The following SMARCA2 variants were observed in gnomAD, a reference collection of about 807,000 sequenced individuals.
SMARCA2 encodes the protein SWI/SNF related BAF chromatin remodeling complex subunit ATPase 2, also known as SWI/SNF-related matrix-associated actin-dependent regulator of chromatin subfamily A member 2.
In SMARCA2, 61 loss-of-function variants were observed where a neutral mutation model predicts 199.8. The ratio of observed to expected loss-of-function variants is 0.31; its 90% CI spans 0.25 to 0.38. SMARCA2 has a LOEUF of 0.38. Ranked by LOEUF, SMARCA2 falls within the 10% of genes least tolerant of loss-of-function variation. The pLI is 1.00. For synonymous variants in SMARCA2, 935 were observed against 732.0 expected, an observed-to-expected ratio of 1.28 and a Z score of -4.48; for missense variants, 1,344 against 2,012.2, an observed-to-expected ratio of 0.67 and a Z score of 6.35.
intron 27 of SMARCA2, among the ~76,000 whole-genome samples, chr9:2,129,360 T>G (rs6475519): frequency 0.29 from 44,134 of 151,944 alleles, 11,675 homozygotes; most frequent in African/African-American, 0.7. Flanking sequence ...AGAGGTTACA[T>G]TGAGCCGAGA....
intron 1 of SMARCA2, among the ~76,000 whole-genome samples, chr9:2,021,068 AACC>A (rs1189919758): frequency 6.6e-6 from 1 of 152,230 alleles, no homozygotes; most frequent in East Asian, 1.9e-4. Flanking sequence ...CAGTTTTTAA[AACC>A]ACAATATTCT....
chr9:2,188,766 C>G (rs1183738555), intron 32 of SMARCA2, among the ~76,000 whole-genome samples: 3 of 152,218 alleles, frequency 2.0e-5, no homozygotes, highest in African/African-American at 7.2e-5. Flanking sequence ...GTGTCAGCAG[C>G]CTGCATTCCT....
At chr9:2,063,165 G>A (rs1330952192) in intron 9 of SMARCA2, among the ~76,000 whole-genome samples, 1 of 152,140 alleles carries the variant, frequency 6.6e-6, no homozygotes, top group African/African-American at 2.4e-5. Flanking sequence ...GTATCTTACT[G>A]GGAGAAGTGG....
intron 27 of SMARCA2, among the ~76,000 whole-genome samples, chr9:2,145,854 G>T (rs1233578518): frequency 1.3e-5 from 2 of 152,186 alleles, no homozygotes; most frequent in Admixed American, 6.5e-5. Flanking sequence ...AGATGATCTG[G>T]CACACCTGGA....
At chr9:2,137,437 A>T (rs558543278) in intron 27 of SMARCA2, among the ~76,000 whole-genome samples, 1 of 151,974 alleles carries the variant, frequency 6.6e-6, no homozygotes, top group South Asian at 2.1e-4. Flanking sequence ...CCTTGCCTTC[A>T]TCTCTGGGTG....
chr9:2,132,374 G>C (rs1269995810), intron 27 of SMARCA2, among the ~76,000 whole-genome samples: 2 of 152,130 alleles, frequency 1.3e-5, no homozygotes, highest in African/African-American at 2.4e-5. Flanking sequence ...ACTCAGCTCT[G>C]TTTCTCCTGA....
chr9:2,015,870 G>C (rs1362333593), intron 1 of SMARCA2: 1 of 152,326 alleles, frequency 6.6e-6, no homozygotes, highest in African/African-American at 2.4e-5. Context: ...GGCGGGGAGG[G>C]GGGTGGCCGC....
intron 5 of SMARCA2, among the ~76,000 whole-genome samples, chr9:2,054,268 T>C (rs188629828): frequency 3.7e-3 from 571 of 152,376 alleles, no homozygotes; most frequent in Middle Eastern, 0.01. Context: ...GTCAATTGGT[T>C]CTGTCTCTTA....
Position 2,039,945 on chromosome 9 carries a change from G to C in SMARCA2, c.790+45G>C. Reference sequence around the variant, plus strand: ...AATGAATAATGCCATGGTCCAACTCGGATAACAAAGACTGCTCACCAAAAC... The same window carrying C: ...AATGAATAATGCCATGGTCCAACTCCGATAACAAAGACTGCTCACCAAAAC... On this transcript the variant is annotated intron_variant, in intron 4 of 33. Coordinates refer to ENST00000349721, the MANE Select transcript of SMARCA2 (RefSeq NM_003070.5). This position sits in a 1 kb window ranked among gnomAD's most constrained non-coding sequence, Gnocchi z 4.8. 1 of 1,600,292 alleles carries C rather than the reference G, an allele frequency of 6.2e-7. No individual in the cohort carries two copies. The highest frequency in any genetic ancestry group is 8.5e-7 in the Non-Finnish European group (1 of 1,173,592).
At chr9:2,160,041 T>A in intron 27 of SMARCA2, 1 of 1,168,178 alleles carries the variant, frequency 8.6e-7, no homozygotes, top group Non-Finnish European at 1.2e-6. Context: ...AGGAGAGCAA[T>A]ACCATTAACT....
intron 29 of SMARCA2, among the ~76,000 whole-genome samples, chr9:2,173,577 G>C (rs1353664777): frequency 6.6e-6 from 1 of 152,172 alleles, no homozygotes; most frequent in Non-Finnish European, 1.5e-5. Flanking sequence ...TTTGGACCCA[G>C]AATCAAGCTG....
At chr9:2,191,706 G>A (rs576469383) in intron 33 of SMARCA2, 23 of 242,110 alleles carry the variant, frequency 9.5e-5, no homozygotes, top group Non-Finnish European at 1.6e-4. Context: ...GGTTTTCCCC[G>A]TAGCCAGTTA....
intron 5 of SMARCA2, among the ~76,000 whole-genome samples, chr9:2,051,035 A>G (rs1239144776): frequency 6.6e-6 from 1 of 152,232 alleles, no homozygotes; most frequent in African/African-American, 2.4e-5. Context: ...GGAAGTTTAG[A>G]ATCCTGAATC....
Position 2,066,118 on chromosome 9 carries a change from G to A in SMARCA2, c.1693-4300G>A, listed in dbSNP as rs185845594. On this transcript the variant is annotated intron_variant, in intron 9 of 33. Coordinates refer to ENST00000349721, the MANE Select transcript of SMARCA2 (RefSeq NM_003070.5). ...AACTCAAGTGGTTTTTGAAAGCTTA[G>A]GTTTCCAGCAAAACAGAATGGATAC... Among the ~76,000 whole-genome samples the A allele has an allele frequency of 1.7e-3, 254 of 152,254 alleles. 5 individuals are homozygous for A. Among genetic ancestry groups the A allele is most frequent in the East Asian group, 3.1e-3 (16 of 5,192 alleles).
intron 2 of SMARCA2, among the ~76,000 whole-genome samples, chr9:2,029,648 C>T (rs1381218247): frequency 6.6e-6 from 1 of 152,132 alleles, no homozygotes; most frequent in South Asian, 2.1e-4. Context: ...CATTTATTAA[C>T]AAAAATTAGA....
At chr9:2,054,289 C>T (rs892646398) in intron 5 of SMARCA2, among the ~76,000 whole-genome samples, 1 of 152,220 alleles carries the variant, frequency 6.6e-6, no homozygotes, top group Non-Finnish European at 1.5e-5. Flanking sequence ...TATTCTCTCT[C>T]TGCTAAGAGT....
chr9:2,142,622 C>T (rs1018124145), intron 27 of SMARCA2, among the ~76,000 whole-genome samples: 1 of 152,160 alleles, frequency 6.6e-6, no homozygotes, highest in African/African-American at 2.4e-5. Flanking sequence ...AGTTGAACGT[C>T]TTCAAGCCGT....
intron 28 of SMARCA2, among the ~76,000 whole-genome samples, chr9:2,167,291 C>T (rs1387362385): frequency 6.6e-6 from 1 of 152,212 alleles, no homozygotes; most frequent in Non-Finnish European, 1.5e-5. Context: ...TTATGCCTTG[C>T]TTTTCAAATC....
At chr9:2,101,740 G>C (rs1563769167) in intron 22 of SMARCA2, 124 bp downstream of exon 22, 1 of 502,622 alleles carries the variant, frequency 2.0e-6, no homozygotes, top group Admixed American at 3.9e-5. Flanking sequence ...CTCTTCAGTG[G>C]AGAAGTTAAC....
Sources: gnomAD v4.1 joint callset for allele counts (sites outside exome capture counted in the v4.1 genomes callset) on GRCh38, gnomAD v4.1.1 for gene constraint, Gnocchi (gnomAD v3.1) non-coding constraint, MANE v1.5 for transcripts, NCBI Gene and HGNC (gene_info 2026-07-23, HGNC 2026-07-21) for gene names.